The following MRPS16 variants were observed in gnomAD, a reference collection of about 807,000 sequenced individuals.
The protein encoded by MRPS16 is small ribosomal subunit protein bS16m.
In MRPS16, 5 loss-of-function variants were observed where a neutral mutation model predicts 11.0. That is an observed-to-expected ratio of 0.46 (90% CI 0.24 to 0.96). The LOEUF is 0.96. MRPS16 is among the 40% of genes least tolerant of loss of function. The pLI, the probability that MRPS16 is intolerant of heterozygous loss-of-function variation, is 0.20. For synonymous variants in MRPS16, 76 were observed against 65.0 expected (o/e 1.17, Z -0.81); for missense variants, 179 against 174.4 (o/e 1.03, Z -0.15).
rs2044069762 is a variant in MRPS16 at position 73,250,251 on chromosome 10, G to A, written c.*601C>T. ...AAAAAAAAATTAGCTGGGTGTGGTGGTGCATGCTTGTAGCTCCCCGGCTAC... is the reference window on the plus strand; with the variant it reads ...AAAAAAAAATTAGCTGGGTGTGGTGATGCATGCTTGTAGCTCCCCGGCTAC... On this transcript the variant is annotated 3_prime_UTR_variant, in exon 3 of 3. Coordinates refer to ENST00000372945, the MANE Select transcript of MRPS16 (RefSeq NM_016065.4). 1 of 153,488 alleles carries A rather than the reference G, an allele frequency of 6.5e-6. No individual in the cohort carries two copies. The highest frequency in any genetic ancestry group is 6.5e-5 in the Admixed American group (1 of 15,440). The allele number at this position is 153,488 out of a possible 1,614,324, so 9.5% of individuals were successfully genotyped here.
At chr10:73,252,351 G>A (rs1018964068) in intron 1 of MRPS16, 119 bp downstream of exon 1, 4 of 1,407,498 alleles carry the variant, frequency 2.8e-6, no homozygotes, top group Non-Finnish European at 3.9e-6. Context: ...ATGTAAGGCA[G>A]TGTGGCTGCT....
At chr10:73,252,050 C>CA (rs749532687) in intron 1 of MRPS16, 27 bp from the exon 2 acceptor site, 21 of 1,605,224 alleles carry the variant, frequency 1.3e-5, no homozygotes, top group Admixed American at 3.4e-5. Flanking sequence ...GGTTAGGACA[C>CA]AAAAAACAGC....
At position 73,249,404 on chromosome 10, in the gene MRPS16, A is replaced by G. The variant is rs1003935502; in HGVS notation, c.*1448T>C. ...TACATTCAAACTATAAAGATCCCTT[A>G]TAGATTACTGGCATCAAGGTAGGAA... On this transcript the variant is annotated 3_prime_UTR_variant, in exon 3 of 3. Transcript: ENST00000372945. The G allele has an allele frequency of 1.5e-4, 198 of 1,324,450 alleles. No individual in the cohort carries two copies. The highest frequency in any genetic ancestry group is 8.0e-4 in the Admixed American group (36 of 45,028). The allele number at this position is 1,324,450 out of a possible 1,614,324, so 82.0% of individuals were successfully genotyped here.
In MRPS16 at chr10:73,250,980, A is replaced by G. The variant is rs1445024690; in HGVS notation, c.286T>C (p.Phe96Leu). 6.2e-7 allele frequency: 1 copy of G among 1,614,036 alleles called. No homozygotes were observed. Among genetic ancestry groups the G allele is most frequent in the Non-Finnish European group, 8.5e-7 (1 of 1,180,018 alleles). The change falls in exon 3 of 3, where the codon TTT (phenylalanine) becomes CTT (leucine). Residue 96 changes from phenylalanine to leucine, a missense_variant. Coordinates refer to ENST00000372945, the MANE Select transcript of MRPS16 (RefSeq NM_016065.4). ...PMEKLLGLAG[F>L]FPLHPMMITN... ...ATCATCATAGGATGCAGAGGGAAAAAGCCAGCAAGACCTAAAAGTAACAGA... is the reference window on the plus strand; with the variant it reads ...ATCATCATAGGATGCAGAGGGAAAAGGCCAGCAAGACCTAAAAGTAACAGA...
chr10:73,252,578 T>C lies in MRPS16; in HGVS notation c.-96A>G. 3 of 1,533,274 alleles carry C rather than the reference T, an allele frequency of 2.0e-6. No individual in the cohort carries two copies. The highest frequency in any genetic ancestry group is 1.8e-6 in the Non-Finnish European group (2 of 1,137,762). The allele number at this position is 1,533,274 out of a possible 1,614,324, so 95.0% of individuals were successfully genotyped here. A position where few individuals can be genotyped will look rare whatever the true frequency, so the allele number is the denominator to read the frequency against. ...GCAGAGAACAAACACAGAAAGAACC[T>C]GCAAGCCGACACCAGGCCGCACCGC... On this transcript the variant is annotated 5_prime_UTR_variant, in exon 1 of 3. Coordinates refer to ENST00000372945, the MANE Select transcript of MRPS16 (RefSeq NM_016065.4).
chr10:73,249,188 G>A lies in MRPS16; in HGVS notation c.*1664C>T. 2 of 1,194,180 alleles carry A rather than the reference G, an allele frequency of 1.7e-6. No individual in the cohort carries two copies. The highest frequency in any genetic ancestry group is 2.7e-5 in the South Asian group (2 of 73,136). 74.0% of individuals were successfully genotyped at this position (1,194,180 alleles called of 1,614,324 possible). A position where few individuals can be genotyped will look rare whatever the true frequency, so the allele number is the denominator to read the frequency against. On this transcript the variant is annotated 3_prime_UTR_variant, in exon 3 of 3. Transcript: ENST00000372945. ...CCACCTCAGCCTCCCAAAGTGCTGA[G>A]ATTACAGGTGTGAGCCACTGCCCCA...
rs1306827547 is a variant in MRPS16, at chr10:73,249,329, TTG to T, written c.*1521_*1522del. The stretch of plus-strand genomic sequence containing the variant: ...GGGAATACTTGAGACCTAAGAATGG[TTG>T]TGAGTCAAATAAAAAAGTAGAACTA... On this transcript the variant is annotated 3_prime_UTR_variant, in exon 3 of 3. Coordinates refer to ENST00000372945, the MANE Select transcript of MRPS16 (RefSeq NM_016065.4). 4.5e-6 allele frequency: 7 copies of T among 1,548,112 alleles called. No homozygotes were observed. The African/African-American group carries it at 6.9e-5, about 15-fold the overall frequency.
chr10:73,252,018 G>T lies in MRPS16; in HGVS notation c.19C>A (p.Leu7Ile). Reference sequence around the variant, plus strand: ...CCCCCACGGTAGGCCTTGCAGAGGAGAGTAGCTGTAGAAAAGCAGCTGGTT... The same window carrying T: ...CCCCCACGGTAGGCCTTGCAGAGGATAGTAGCTGTAGAAAAGCAGCTGGTT... MVHLTT[L>I]LCKAYRGGHL... Residue 7 changes from leucine to isoleucine, a missense_variant, in exon 2 of 3, where the codon CTC (leucine) becomes ATC (isoleucine). Coordinates refer to ENST00000372945, the MANE Select transcript of MRPS16 (RefSeq NM_016065.4). 6.2e-7 allele frequency: 1 copy of T among 1,613,492 alleles called. No individual in the cohort carries two copies. Among genetic ancestry groups the T allele is most frequent in the East Asian group, 2.2e-5 (1 of 44,860 alleles).
At chr10:73,252,056 A>G (rs2044117637) in intron 1 of MRPS16, 33 bp from the exon 2 acceptor site, 3 of 1,603,266 alleles carry the variant, frequency 1.9e-6, no homozygotes, top group Non-Finnish European at 1.7e-6. Context: ...GACACAAAAA[A>G]CAGCACAAAA....
chr10:73,251,244 T>C (rs906566323), intron 2 of MRPS16, among the ~76,000 whole-genome samples: 6 of 152,198 alleles, frequency 3.9e-5, no homozygotes, highest in Non-Finnish European at 7.3e-5. Flanking sequence ...TTCCTATTTT[T>C]AGCATAAAAT....
At chr10:73,251,287 C>G (rs1036439799) in intron 2 of MRPS16, among the ~76,000 whole-genome samples, 5 of 152,174 alleles carry the variant, frequency 3.3e-5, no homozygotes, top group African/African-American at 1.2e-4. Flanking sequence ...AAGGAGTCCA[C>G]AAAAGGGGCC....
intron 2 of MRPS16, 118 bp downstream of exon 2, chr10:73,251,645 C>T: frequency 2.8e-6 from 4 of 1,438,676 alleles, no homozygotes; most frequent in South Asian, 2.3e-5. Context: ...CCTCCCAAAG[C>T]GCTGAGATTA....
In MRPS16 at chr10:73,248,971, T is replaced by G; in HGVS notation, c.*1881A>C. On this transcript the variant is annotated 3_prime_UTR_variant, in exon 3 of 3. Transcript: ENST00000372945. The stretch of plus-strand genomic sequence containing the variant: ...CTTTTCTCTGTCACCCAGGCTGGAC[T>G]GTAGTGGAACAATCACAGTTCACTG... 1.8e-6 allele frequency: 1 copy of G among 560,756 alleles called. No individual in the cohort carries two copies. Among genetic ancestry groups the G allele is most frequent in the Non-Finnish European group, 3.5e-6 (1 of 286,992 alleles). 34.7% of individuals were successfully genotyped at this position (560,756 alleles called of 1,614,324 possible).
At chr10:73,251,429 G>A (rs1477043981) in intron 2 of MRPS16, among the ~76,000 whole-genome samples, 1 of 151,880 alleles carries the variant, frequency 6.6e-6, no homozygotes, top group Non-Finnish European at 1.5e-5. Context: ...AGACTGGAGT[G>A]CAGTGACGCG....
rs113258240 is a variant in MRPS16 at position 73,250,384 on chromosome 10, CAAA to C, written c.*465_*467del. The C allele has an allele frequency of 3.2e-3, 307 of 95,768 alleles. No homozygotes were observed. Among genetic ancestry groups the C allele is most frequent in the South Asian group, 9.6e-3 (48 of 5,004 alleles). The allele number at this position is 95,768 out of a possible 1,614,324, so 5.9% of individuals were successfully genotyped here. On this transcript the variant is annotated 3_prime_UTR_variant, in exon 3 of 3. Transcript: ENST00000372945. ...CTGGCAACAGAACAAGACTCCGTCT[CAAA>C]AAAAAAAAAAAAAAGAGAATATGCA...
chr10:73,248,916 T>C lies in MRPS16; in HGVS notation c.*1936A>G, dbSNP rs894165371. 2.2e-6 allele frequency: 1 copy of C among 459,290 alleles called. No individual in the cohort carries two copies. Among genetic ancestry groups the C allele is most frequent in the Admixed American group, 2.7e-5 (1 of 36,808 alleles). The allele number at this position is 459,290 out of a possible 1,614,324, so 28.5% of individuals were successfully genotyped here. A position where few individuals can be genotyped will look rare whatever the true frequency, so the allele number is the denominator to read the frequency against. On this transcript the variant is annotated 3_prime_UTR_variant, in exon 3 of 3. Transcript: ENST00000372945. Reference sequence around the variant, plus strand: ...AAACCAGAAAATCAAATTATTATGCTCTAGCCAAATTATGTAATGTTTTCT... The same window carrying C: ...AAACCAGAAAATCAAATTATTATGCCCTAGCCAAATTATGTAATGTTTTCT...
intron 1 of MRPS16, 106 bp from the exon 2 acceptor site, chr10:73,252,129 A>G: frequency 6.8e-7 from 1 of 1,466,876 alleles, no homozygotes; most frequent in Non-Finnish European, 9.3e-7. Flanking sequence ...CTTCCAATCC[A>G]TTCCTGTCAA....
At position 73,250,546 on chromosome 10, in the gene MRPS16, C is replaced by T. The variant is rs532037332; in HGVS notation, c.*306G>A. 98 of 406,210 alleles carry T rather than the reference C, an allele frequency of 2.4e-4. 2 individuals are homozygous for T. Among genetic ancestry groups the T allele is most frequent in the South Asian group, 2.2e-3 (98 of 43,836 alleles). The allele number at this position is 406,210 out of a possible 1,614,324, so 25.2% of individuals were successfully genotyped here. A position where few individuals can be genotyped will look rare whatever the true frequency, so the allele number is the denominator to read the frequency against. On this transcript the variant is annotated 3_prime_UTR_variant, in exon 3 of 3. Transcript: ENST00000372945. ...GGCTGGGGGTTTTGAAGCAGGAAGT[C>T]TTGGAAGCCAGTAAATTGTAAAGTT...
intron 1 of MRPS16, 118 bp downstream of exon 1, chr10:73,252,352 T>C (rs1161883795): frequency 4.2e-6 from 6 of 1,414,840 alleles, no homozygotes; most frequent in Non-Finnish European, 5.9e-6. Flanking sequence ...TGTAAGGCAG[T>C]GTGGCTGCTT....
Sources: allele counts gnomAD v4.1 joint callset (sites outside exome capture counted in the v4.1 genomes callset), GRCh38; gene constraint gnomAD v4.1.1; transcripts MANE v1.5; gene names NCBI Gene and HGNC (gene_info 2026-07-23, HGNC 2026-07-21).